The following UNC5D variants were observed in gnomAD, a reference collection of about 807,000 sequenced individuals.
UNC5D encodes unc-5 netrin receptor D.
Under a neutral mutation model 105.4 loss-of-function variants are expected in UNC5D, and 39 were observed. That is an observed-to-expected ratio of 0.37 (90% confidence interval 0.29 to 0.48). UNC5D has a LOEUF of 0.48. Ranked by LOEUF, UNC5D falls within the 20% of genes least tolerant of loss-of-function variation. The pLI, the probability that UNC5D is intolerant of heterozygous loss-of-function variation, is 0.98. For missense variants in UNC5D, 991 were observed against 1,202.4 expected, an observed-to-expected ratio of 0.82 and a Z score of 2.60; for synonymous variants, 452 against 450.4, an observed-to-expected ratio of 1.00 and a Z score of -0.04.
intron 1 of UNC5D, among the ~76,000 whole-genome samples, chr8:35,509,079 A>G (rs1291541812): frequency 6.6e-6 from 1 of 152,142 alleles, no homozygotes; most frequent in Non-Finnish European, 1.5e-5. Context: ...AGGCTTGAGG[A>G]GGCTAAGGAA....
intron 11 of UNC5D, among the ~76,000 whole-genome samples, chr8:35,748,132 T>C (rs2131631807): frequency 6.6e-6 from 1 of 152,194 alleles, no homozygotes; most frequent in East Asian, 1.9e-4. Context: ...AGGAATTTGA[T>C]GGTAATGAGA....
At chr8:35,456,866 T>C (rs1489409820) in intron 1 of UNC5D, among the ~76,000 whole-genome samples, 1 of 152,224 alleles carries the variant, frequency 6.6e-6, no homozygotes, top group South Asian at 2.1e-4. Context: ...ACGATGGATA[T>C]TGGACTGTTT....
In UNC5D at chr8:35,508,091, A is replaced by C. The variant is rs1271112355; in HGVS notation, c.104-41201A>C. Among the ~76,000 whole-genome samples the C allele has an allele frequency of 2.0e-5, 3 of 152,128 alleles. No individual in the cohort carries two copies. The East Asian group carries it at 5.8e-4, about 29-fold the overall frequency. On this transcript the variant is annotated intron_variant, in intron 1 of 16. Transcript: ENST00000404895. ...TCATGGCACTTAAATTTTCTTGTTC[A>C]GGAAAATGAATGTAATAACAACAAT...
rs929833422 is a variant in UNC5D at position 35,483,068 on chromosome 8, G to C, written c.104-66224G>C. Among the ~76,000 whole-genome samples the C allele has an allele frequency of 3.3e-5, 5 of 152,112 alleles. No individual in the cohort carries two copies. The East Asian group carries it at 7.8e-4, about 24-fold the overall frequency. ...TCCACCTGCCTGGGCCTCCCAAAGTGCTGGGATTACAGGCGTGAGCCACTG... is the reference window on the plus strand; with the variant it reads ...TCCACCTGCCTGGGCCTCCCAAAGTCCTGGGATTACAGGCGTGAGCCACTG... On this transcript the variant is annotated intron_variant, in intron 1 of 16. Coordinates refer to ENST00000404895, the MANE Select transcript of UNC5D (RefSeq NM_080872.4).
rs146562437 is a variant in UNC5D at position 35,517,947 on chromosome 8, G to T, written c.104-31345G>T. On this transcript the variant is annotated intron_variant, in intron 1 of 16. Coordinates refer to ENST00000404895, the MANE Select transcript of UNC5D (RefSeq NM_080872.4). ...TCTCACAGGTGCCCCTTTCATAAGGGCACTAGTCTCATTCATGAAGGCAGA... is the reference window on the plus strand; with the variant it reads ...TCTCACAGGTGCCCCTTTCATAAGGTCACTAGTCTCATTCATGAAGGCAGA... 3.3e-5 allele frequency among the ~76,000 whole-genome samples: 5 copies of T among 152,172 alleles called. No individual in the cohort carries two copies. The East Asian group carries it at 9.7e-4, about 29-fold the overall frequency.
Position 35,237,278 on chromosome 8 carries a change from G to C in UNC5D, c.103+1391G>C, listed in dbSNP as rs527552104. Among the ~76,000 whole-genome samples, 14 of 143,600 alleles carry C rather than the reference G, an allele frequency of 9.7e-5. 1 individual carries two copies. The South Asian group carries it at 3.3e-3, about 34-fold the overall frequency. The allele number at this position is 143,600 out of a possible 152,430, so 94.2% of individuals were successfully genotyped here. ...TCGGTGATTGTACACCCTGGGTTAT[G>C]ATGAACCACAGTTCCTTCTCGTACT... is the stretch of plus-strand genomic sequence containing the variant. On this transcript the variant is annotated intron_variant, in intron 1 of 16. Transcript: ENST00000404895.
At position 35,478,019 on chromosome 8, in the gene UNC5D, A is replaced by C. The variant is rs1277621830; in HGVS notation, c.104-71273A>C. ...GGAGATGAAGAGAAAGCCTTATATT[A>C]ATCAATAATTTCATTTTAAGCAAAG... On this transcript the variant is annotated intron_variant, in intron 1 of 16. Transcript: ENST00000404895. Among the ~76,000 whole-genome samples, 3 of 152,186 alleles carry C rather than the reference A, an allele frequency of 2.0e-5. No individual in the cohort carries two copies. The East Asian group carries it at 5.8e-4, about 29-fold the overall frequency.
chr8:35,435,673 T>A (rs1806959242), intron 1 of UNC5D, among the ~76,000 whole-genome samples: 1 of 152,094 alleles, frequency 6.6e-6, no homozygotes, highest in Non-Finnish European at 1.5e-5. Flanking sequence ...ACAAATGTAA[T>A]CAACTGATAT....
At chr8:35,521,625 G>T (rs1024295586) in intron 1 of UNC5D, among the ~76,000 whole-genome samples, 5 of 152,154 alleles carry the variant, frequency 3.3e-5, no homozygotes, top group African/African-American at 1.2e-4. Flanking sequence ...ACTCTGTTGA[G>T]GTTACAAGCA....
At chr8:35,564,440 C>T (rs1216880867) in intron 2 of UNC5D, among the ~76,000 whole-genome samples, 2 of 152,136 alleles carry the variant, frequency 1.3e-5, no homozygotes, top group Non-Finnish European at 2.9e-5. Context: ...GATGTTCTCT[C>T]TCCCACCTTT....
At chr8:35,538,980 G>A (rs1461157553) in intron 1 of UNC5D, among the ~76,000 whole-genome samples, 3 of 152,018 alleles carry the variant, frequency 2.0e-5, no homozygotes, top group Non-Finnish European at 4.4e-5. Context: ...GTGTAATATA[G>A]ATATGTGCAG....
At chr8:35,492,850 C>T (rs964793609) in intron 1 of UNC5D, among the ~76,000 whole-genome samples, 1 of 152,122 alleles carries the variant, frequency 6.6e-6, no homozygotes, top group East Asian at 1.9e-4. Context: ...CAGAACTGCA[C>T]TGCAAACAAA....
At chr8:35,424,593 T>C (rs1585810818) in intron 1 of UNC5D, among the ~76,000 whole-genome samples, 1 of 152,068 alleles carries the variant, frequency 6.6e-6, no homozygotes, top group Non-Finnish European at 1.5e-5. Flanking sequence ...TAGACCCCAT[T>C]CCTAGAGATT....
At chr8:35,308,853 GA>G (rs200727096) in intron 1 of UNC5D, among the ~76,000 whole-genome samples, 25 of 149,594 alleles carry the variant, frequency 1.7e-4, no homozygotes, top group South Asian at 8.5e-4. Context: ...TCTGTAAATT[GA>G]AAAAAAAAAT....
intron 7 of UNC5D, among the ~76,000 whole-genome samples, chr8:35,697,610 G>T (rs1826879725): frequency 6.6e-6 from 1 of 152,094 alleles, no homozygotes; most frequent in South Asian, 2.1e-4. Flanking sequence ...GGAAATTGAT[G>T]AACCTTGACT....
chr8:35,391,935 G>A (rs1445911014), intron 1 of UNC5D, among the ~76,000 whole-genome samples: 1 of 152,184 alleles, frequency 6.6e-6, no homozygotes, highest in African/African-American at 2.4e-5. Flanking sequence ...CTTTAGCACA[G>A]GGACTGAAGA....
intron 1 of UNC5D, among the ~76,000 whole-genome samples, chr8:35,414,678 T>A (rs1406112610): frequency 6.6e-6 from 1 of 152,132 alleles, no homozygotes; most frequent in Non-Finnish European, 1.5e-5. Flanking sequence ...ATTGTCTTAT[T>A]TGTCACATTT....
chr8:35,683,708 G>C lies in UNC5D; in HGVS notation c.732G>C (p.Ser244=). Residue 244 remains serine (S), a synonymous_variant, in exon 5 of 17, where the codon TCG becomes TCC. Coordinates refer to ENST00000404895, the MANE Select transcript of UNC5D (RefSeq NM_080872.4). ...ANIVAKRRSL[S]ATVVVYVNGG... ...TCGTGGCTAAGAGGAGAAGCCTGTC[G>C]GCCACTGTTGTGGTCTACGGTAAGA... 3 of 1,551,500 alleles carry C rather than the reference G, an allele frequency of 1.9e-6. No homozygotes were observed. The highest frequency in any genetic ancestry group is 2.6e-6 in the Non-Finnish European group (3 of 1,158,112).
intron 7 of UNC5D, among the ~76,000 whole-genome samples, chr8:35,691,727 T>C (rs1826409583): frequency 6.6e-6 from 1 of 152,156 alleles, no homozygotes; most frequent in African/African-American, 2.4e-5. Flanking sequence ...TCCTGACCAT[T>C]GGACTTTCTC....
Sources: allele counts gnomAD v4.1 joint callset (sites outside exome capture counted in the v4.1 genomes callset), GRCh38; gene constraint gnomAD v4.1.1; transcripts MANE v1.5; gene names NCBI Gene and HGNC (gene_info 2026-07-23, HGNC 2026-07-21).